The following LRFN5 variants were observed in gnomAD, a reference collection of about 807,000 sequenced individuals.
LRFN5 encodes the protein leucine rich repeat and fibronectin type III domain containing 5.
LRFN5 carries 24 observed loss-of-function variants against 45.6 expected under a neutral mutation model. The ratio of observed to expected loss-of-function variants is 0.53; its 90% CI spans 0.38 to 0.74. LRFN5 has a LOEUF of 0.74. Among genes scored for constraint, LRFN5 ranks in the 30% least tolerant of loss-of-function variants. The pLI, the probability that LRFN5 is intolerant of heterozygous loss-of-function variation, is 0.00. For missense variants in LRFN5, 776 were observed against 861.5 expected (o/e 0.90, Z 1.24); for synonymous variants, 340 against 313.8 (o/e 1.08, Z -0.88).
In LRFN5 at chr14:41,738,746, T is replaced by C. The variant is rs904296360; in HGVS notation, c.-196-28108T>C. The stretch of plus-strand genomic sequence containing the variant: ...TTATGGAATCTCTGATAGCTTTCAA[T>C]ATTCTCCCTTTAACTTTTAGCAATT... On this transcript the variant is annotated intron_variant, in intron 1 of 5. Transcript: ENST00000298119. Among the ~76,000 whole-genome samples, 6 of 152,190 alleles carry C rather than the reference T, an allele frequency of 3.9e-5. No individual in the cohort carries two copies. The South Asian group carries it at 1.0e-3, about 26-fold the overall frequency.
At chr14:41,747,743 GA>G (rs1201929743) in intron 1 of LRFN5, among the ~76,000 whole-genome samples, 2 of 151,978 alleles carry the variant, frequency 1.3e-5, no homozygotes, top group East Asian at 3.9e-4. Flanking sequence ...CAGAATGGGA[GA>G]AAGTATTTGG....
chr14:41,648,455 C>T (rs1467187195), intron 1 of LRFN5, among the ~76,000 whole-genome samples: 3 of 151,968 alleles, frequency 2.0e-5, no homozygotes, highest in Non-Finnish European at 4.4e-5. Context: ...CCAAGCGAGA[C>T]TTTTGTCTCT....
At chr14:41,903,054 C>G (rs1257007860) in intron 5 of LRFN5, among the ~76,000 whole-genome samples, 1 of 151,256 alleles carries the variant, frequency 6.6e-6, no homozygotes, top group Non-Finnish European at 1.5e-5. Flanking sequence ...CACACTGGTC[C>G]CTTAACAGTC....
intron 1 of LRFN5, among the ~76,000 whole-genome samples, chr14:41,753,857 G>A (rs1885249001): frequency 6.6e-6 from 1 of 152,154 alleles, no homozygotes; most frequent in Admixed American, 6.5e-5. Context: ...TTTTCAAAGG[G>A]AATGCTTCCA....
chr14:41,702,173 A>G (rs1224447546), intron 1 of LRFN5, among the ~76,000 whole-genome samples: 3 of 152,178 alleles, frequency 2.0e-5, no homozygotes, highest in Admixed American at 6.5e-5. Context: ...GCATGACTCC[A>G]TCTGTAAGTA....
chr14:41,856,675 A>ATTATTATTTTTTTTTTTT lies in LRFN5; in HGVS notation c.-20-29929_-20-29928insATTATTTTTTTTTTTTTT. Among the ~76,000 whole-genome samples the ATTATTATTTTTTTTTTTT allele has an allele frequency of 7.9e-3, 144 of 18,332 alleles. 19 individuals are homozygous for ATTATTATTTTTTTTTTTT. The highest frequency in any genetic ancestry group is 0.011 in the Admixed American group (9 of 826). The allele number at this position is 18,332 out of a possible 152,430, so 12.0% of individuals were successfully genotyped here. A position where few individuals can be genotyped will look rare whatever the true frequency, so the allele number is the denominator to read the frequency against. On this transcript the variant is annotated intron_variant, in intron 2 of 5. Transcript: ENST00000298119. ...TTCTTTCCTAATTATTATTATTATT[A>ATTATTATTTTTTTTTTTT]TTTTTTTTTTTTTTTTTTTGAGACG...
At chr14:41,804,725 T>G (rs1457366843) in intron 2 of LRFN5, among the ~76,000 whole-genome samples, 1 of 152,202 alleles carries the variant, frequency 6.6e-6, no homozygotes, top group Non-Finnish European at 1.5e-5. Flanking sequence ...CAGATCTCTT[T>G]CACTGTCACA....
rs1044230512 is a variant in LRFN5, at chr14:41,606,895, T to G, written c.-1864T>G. Among the ~76,000 whole-genome samples, 1 of 151,904 alleles carries G rather than the reference T, an allele frequency of 6.6e-6. No homozygotes were observed. Among genetic ancestry groups the G allele is most frequent in the Non-Finnish European group, 1.5e-5 (1 of 67,936 alleles). The stretch of plus-strand genomic sequence containing the variant: ...GCCGCCGCCGCCGCCGCCGCCTTCA[T>G]GCTGCAGCGCAGGGCTCAGTTCCAC... On this transcript the variant is annotated 5_prime_UTR_variant, in exon 1 of 6. It removes an upstream start codon present in the reference 5' UTR. Coordinates refer to ENST00000298119, the MANE Select transcript of LRFN5 (RefSeq NM_152447.5).
chr14:41,890,631 C>T (rs1216716782), intron 3 of LRFN5, among the ~76,000 whole-genome samples: 1 of 150,148 alleles, frequency 6.7e-6, no homozygotes, highest in Non-Finnish European at 1.5e-5. Flanking sequence ...GGCGTGAACC[C>T]GGGAGGCGGA....
chr14:41,871,992 T>C (rs1050473825), intron 2 of LRFN5, among the ~76,000 whole-genome samples: 3 of 152,310 alleles, frequency 2.0e-5, no homozygotes, highest in East Asian at 1.9e-4. Context: ...TCAATGGCTT[T>C]TTTAAAATAA....
chr14:41,635,295 A>C (rs1278461116), intron 1 of LRFN5, among the ~76,000 whole-genome samples: 1 of 152,162 alleles, frequency 6.6e-6, no homozygotes, highest in Non-Finnish European at 1.5e-5. Context: ...AAAATGTCTT[A>C]GTTTGAATAC....
chr14:41,723,949 A>G (rs1883827905), intron 1 of LRFN5, among the ~76,000 whole-genome samples: 1 of 152,158 alleles, frequency 6.6e-6, no homozygotes, highest in Admixed American at 6.5e-5. Context: ...GACACTTTTC[A>G]TGGTATCTTT....
chr14:41,807,798 G>T (rs1887573656), intron 2 of LRFN5, among the ~76,000 whole-genome samples: 1 of 151,998 alleles, frequency 6.6e-6, no homozygotes, highest in African/African-American at 2.4e-5. Context: ...ATTACCATGA[G>T]CCCCCACCCC....
intron 1 of LRFN5, among the ~76,000 whole-genome samples, chr14:41,728,828 G>C (rs1026527125): frequency 2.0e-5 from 3 of 152,070 alleles, no homozygotes; most frequent in Admixed American, 2.0e-4. Flanking sequence ...GACAAAAATG[G>C]CATCTTTAAT....
At chr14:41,751,237 A>G (rs1208300622) in intron 1 of LRFN5, among the ~76,000 whole-genome samples, 1 of 152,136 alleles carries the variant, frequency 6.6e-6, no homozygotes, top group Non-Finnish European at 1.5e-5. Flanking sequence ...TTCAGCATGT[A>G]ATCACTCTAA....
At chr14:41,826,132 G>C (rs1201322192) in intron 2 of LRFN5, among the ~76,000 whole-genome samples, 1 of 152,154 alleles carries the variant, frequency 6.6e-6, no homozygotes, top group African/African-American at 2.4e-5. Flanking sequence ...TGATCTCACT[G>C]CCATCATTTT....
At chr14:41,647,106 G>C (rs1476327554) in intron 1 of LRFN5, among the ~76,000 whole-genome samples, 2 of 152,158 alleles carry the variant, frequency 1.3e-5, no homozygotes, top group Non-Finnish European at 2.9e-5. Flanking sequence ...GTCTTATCAA[G>C]TTCCCCTGAT....
intron 1 of LRFN5, among the ~76,000 whole-genome samples, chr14:41,736,655 A>T (rs1428022679): frequency 6.6e-6 from 1 of 152,192 alleles, no homozygotes; most frequent in African/African-American, 2.4e-5. Flanking sequence ...ACAATAAAAA[A>T]TGATAAAGGG....
chr14:41,786,971 G>C (rs1479097239), intron 2 of LRFN5, among the ~76,000 whole-genome samples: 1 of 151,694 alleles, frequency 6.6e-6, no homozygotes, highest in Non-Finnish European at 1.5e-5. Flanking sequence ...TATATCTCCA[G>C]GTGTTATTTG....
Sources: allele counts gnomAD v4.1 joint callset (sites outside exome capture counted in the v4.1 genomes callset), GRCh38; gene constraint gnomAD v4.1.1; transcripts MANE v1.5; gene names NCBI Gene and HGNC (gene_info 2026-07-23, HGNC 2026-07-21).